Variants in MGAM2 observed in about 807,000 individuals in gnomAD.
MGAM2 encodes the protein probable maltase-glucoamylase 2.
Under a neutral mutation model 96.1 loss-of-function variants are expected in MGAM2, and 98 were observed. That is an observed-to-expected ratio of 1.02 (90% CI 0.87 to 1.21). The LOEUF (loss-of-function observed/expected upper bound fraction) is 1.21. MGAM2 is among the 50% of genes most tolerant of loss of function. The pLI, the probability that MGAM2 is intolerant of heterozygous loss-of-function variation, is 0.00. For synonymous variants in MGAM2, 749 were observed against 414.8 expected, an observed-to-expected ratio of 1.81 and a Z score of -9.79; for missense variants, 2,055 against 1,182.4, an observed-to-expected ratio of 1.74 and a Z score of -10.82.
At chr7:142,202,413 C>T (rs1797267190) in intron 45 of MGAM2, among the ~76,000 whole-genome samples, 1 of 152,160 alleles carries the variant, frequency 6.6e-6, no homozygotes, top group Non-Finnish European at 1.5e-5. Flanking sequence ...GATCCCGTCA[C>T]CCAGGCAGTG....
chr7:142,139,317 A>G (rs964718314), intron 10 of MGAM2, among the ~76,000 whole-genome samples: 1 of 152,184 alleles, frequency 6.6e-6, no homozygotes, highest in Non-Finnish European at 1.5e-5. Context: ...GAATTTATCA[A>G]AACAACTTAT....
chr7:142,212,229 G>A (rs1362133243), intron 46 of MGAM2, among the ~76,000 whole-genome samples: 1 of 152,208 alleles, frequency 6.6e-6, no homozygotes, highest in Non-Finnish European at 1.5e-5. Context: ...GGAAAAATGA[G>A]TATCAGCTCC....
At chr7:142,150,685 C>T (rs1174299130) in intron 15 of MGAM2, among the ~76,000 whole-genome samples, 1 of 152,184 alleles carries the variant, frequency 6.6e-6, no homozygotes, top group African/African-American at 2.4e-5. Flanking sequence ...CACTGCTGTA[C>T]ATTCCTGAGA....
intron 45 of MGAM2, among the ~76,000 whole-genome samples, chr7:142,206,150 C>G (rs1467352911): frequency 6.6e-6 from 1 of 152,102 alleles, no homozygotes; most frequent in Non-Finnish European, 1.5e-5. Flanking sequence ...ATCTATATGT[C>G]TATTCTTATG....
chr7:142,208,463 A>T (rs1410749497), intron 45 of MGAM2, 110 bp from the exon 46 acceptor site: 1 of 668,614 alleles, frequency 1.5e-6, no homozygotes, highest in Non-Finnish European at 2.7e-6. Context: ...GGTGACAATC[A>T]TCAGTAACTG....
chr7:142,205,071 AATG>A (rs1452171044), intron 45 of MGAM2, among the ~76,000 whole-genome samples: 1 of 152,154 alleles, frequency 6.6e-6, no homozygotes, highest in African/African-American at 2.4e-5. Context: ...GTGAGCAAGG[AATG>A]ATAATAAAAG....
At chr7:142,120,031 A>G (rs1355086495) in intron 2 of MGAM2, among the ~76,000 whole-genome samples, 1 of 152,238 alleles carries the variant, frequency 6.6e-6, no homozygotes, top group Admixed American at 6.5e-5. Context: ...ATACTTTAAG[A>G]GGATGAATTT....
intron 7 of MGAM2, among the ~76,000 whole-genome samples, chr7:142,134,434 T>C (rs1416601801): frequency 1.3e-5 from 2 of 152,190 alleles, no homozygotes; most frequent in African/African-American, 4.8e-5. Flanking sequence ...GAACCTAGTA[T>C]ATACTTCTGC....
intron 9 of MGAM2, 131 bp downstream of exon 9, chr7:142,137,676 A>G: frequency 2.2e-6 from 1 of 450,128 alleles, no homozygotes; most frequent in Non-Finnish European, 3.9e-6. Flanking sequence ...TGAGTCTTTC[A>G]TCTATTGTTT....
At chr7:142,187,314 G>T (rs1470298790) in intron 35 of MGAM2, among the ~76,000 whole-genome samples, 1 of 152,214 alleles carries the variant, frequency 6.6e-6, no homozygotes, top group Non-Finnish European at 1.5e-5. Context: ...AATAGAGGAA[G>T]ATAATAGTAA....
chr7:142,120,852 G>A (rs1001436938), intron 3 of MGAM2, among the ~76,000 whole-genome samples: 2 of 152,180 alleles, frequency 1.3e-5, no homozygotes, highest in Non-Finnish European at 2.9e-5. Flanking sequence ...TCTGGATTAT[G>A]TTATTGGCAA....
Position 142,123,961 on chromosome 7 carries a change from A to T in MGAM2, c.186+3580A>T, listed in dbSNP as rs111649315. On this transcript the variant is annotated intron_variant, in intron 3 of 47. Transcript: ENST00000477922. ...ATATGGTATCAGGTAAGAGTCCAGA[A>T]ACTTTTTTTTTTTTTTTTTTTTTTT... Among the ~76,000 whole-genome samples the T allele has an allele frequency of 2.3e-3, 321 of 142,184 alleles. 4 individuals carry two copies. Among genetic ancestry groups the T allele is most frequent in the African/African-American group, 8.4e-3 (308 of 36,564 alleles). 93.3% of individuals were successfully genotyped at this position (142,184 alleles called of 152,430 possible).
At chr7:142,187,960 CAAGT>C in intron 36 of MGAM2, 126 bp downstream of exon 36, 1 of 601,364 alleles carries the variant, frequency 1.7e-6, no homozygotes, top group Non-Finnish European at 3.0e-6. Flanking sequence ...CATGAAATCC[CAAGT>C]AAGATAACCT....
intron 3 of MGAM2, among the ~76,000 whole-genome samples, chr7:142,121,162 A>C (rs1283308367): frequency 6.6e-6 from 1 of 150,980 alleles, no homozygotes; most frequent in Admixed American, 6.6e-5. Flanking sequence ...AGTTCTTTTC[A>C]TATATACATA....
chr7:142,208,616 A>T lies in MGAM2; in HGVS notation c.5181A>T (p.Ala1727=). The T allele has an allele frequency of 1.4e-6, 1 of 702,810 alleles. No homozygotes were observed. The highest frequency in any genetic ancestry group is 1.5e-5 in the South Asian group (1 of 67,548). The allele number at this position is 702,810 out of a possible 1,614,324, so 43.5% of individuals were successfully genotyped here. A position where few individuals can be genotyped will look rare whatever the true frequency, so the allele number is the denominator to read the frequency against. ...ATTATTTTTTGGCAAACTTTATAGC[A>T]GCTCAGGTAAGACTAATTTACTACA... ...NGNYFLANFI[A]AQNILQIQTI... is the part of the protein sequence containing the mutation. Residue 1727 remains alanine, a synonymous_variant, in exon 46 of 48, where the codon GCA becomes GCT. Transcript: ENST00000477922.
intron 25 of MGAM2, among the ~76,000 whole-genome samples, 176 bp downstream of exon 25, chr7:142,166,429 T>G (rs776985588): frequency 2.7e-4 from 41 of 152,116 alleles, no homozygotes; most frequent in Non-Finnish European, 5.3e-4. Context: ...AGAAGAAACT[T>G]ATTGCCATTC....
chr7:142,161,301 C>T (rs1018464327), intron 22 of MGAM2, 88 bp downstream of exon 22: 3 of 623,970 alleles, frequency 4.8e-6, no homozygotes, highest in Admixed American at 2.3e-5. Flanking sequence ...TGGCACTAAC[C>T]CTATTAGCAC....
intron 45 of MGAM2, among the ~76,000 whole-genome samples, chr7:142,200,652 A>G (rs1031110140): frequency 6.6e-6 from 1 of 152,326 alleles, no homozygotes; most frequent in East Asian, 1.9e-4. Context: ...ATCTTGCAAC[A>G]TACCACATTT....
chr7:142,187,633 C>A, intron 35 of MGAM2, 117 bp from the exon 36 acceptor site: 1 of 605,356 alleles, frequency 1.7e-6, no homozygotes. Context: ...ACACAGTGAA[C>A]TAAACCACCA....
Sources: allele counts gnomAD v4.1 joint callset (sites outside exome capture counted in the v4.1 genomes callset), GRCh38; gene constraint gnomAD v4.1.1; transcripts MANE v1.5; gene names NCBI Gene and HGNC (gene_info 2026-07-23, HGNC 2026-07-21).